PLCXD3: variants seen among roughly 807,000 people sequenced by gnomAD.
PLCXD3 encodes the protein phosphatidylinositol specific phospholipase C X domain containing 3, also known as PI-PLC X domain-containing protein 3.
PLCXD3 carries 19 observed loss-of-function variants against 25.5 expected under a neutral mutation model. That is an observed-to-expected ratio of 0.75 (90% CI 0.52 to 1.09). The LOEUF (loss-of-function observed/expected upper bound fraction) is 1.09. Ranked by LOEUF, PLCXD3 falls within the 50% of genes least tolerant of loss-of-function variation. The probability of loss-of-function intolerance (pLI) is 0.00; values close to 1 mark genes in which losing one functional copy is unlikely to be tolerated. For missense variants in PLCXD3, 411 were observed against 388.1 expected, an observed-to-expected ratio of 1.06 and a Z score of -0.50; for synonymous variants, 174 against 137.6, an observed-to-expected ratio of 1.26 and a Z score of -1.85.
intron 1 of PLCXD3, among the ~76,000 whole-genome samples, chr5:41,440,116 T>G (rs1272710532): frequency 6.6e-6 from 1 of 151,680 alleles, no homozygotes; most frequent in African/African-American, 2.4e-5. Context: ...GTCCCTAGAT[T>G]CAGGAGCCAG....
chr5:41,423,491 T>C (rs1746876772), intron 1 of PLCXD3, among the ~76,000 whole-genome samples: 1 of 152,142 alleles, frequency 6.6e-6, no homozygotes, highest in South Asian at 2.1e-4. Context: ...AATGATTATT[T>C]TTATATTCTC....
chr5:41,371,910 C>A (rs1053248862), intron 2 of PLCXD3, among the ~76,000 whole-genome samples: 8 of 152,140 alleles, frequency 5.3e-5, no homozygotes, highest in African/African-American at 1.4e-4. Flanking sequence ...GAATCAGACA[C>A]CTTTTACTCA....
chr5:41,452,864 T>C (rs373867767), intron 1 of PLCXD3, among the ~76,000 whole-genome samples: 21 of 152,168 alleles, frequency 1.4e-4, no homozygotes, highest in African/African-American at 4.6e-4. Flanking sequence ...TTCTTTCTTG[T>C]TTTTCTTCGT....
intron 2 of PLCXD3, among the ~76,000 whole-genome samples, chr5:41,318,593 T>C (rs1743367913): frequency 6.6e-6 from 1 of 151,976 alleles, no homozygotes; most frequent in African/African-American, 2.4e-5. Context: ...AAACATGCAA[T>C]GGATACACAA....
chr5:41,349,082 A>C (rs1744380976), intron 2 of PLCXD3, among the ~76,000 whole-genome samples: 1 of 152,190 alleles, frequency 6.6e-6, no homozygotes, highest in Non-Finnish European at 1.5e-5. Context: ...ACAGATACTG[A>C]CAGTGCAAAG....
At chr5:41,436,758 A>G (rs1580372744) in intron 1 of PLCXD3, among the ~76,000 whole-genome samples, 1 of 152,222 alleles carries the variant, frequency 6.6e-6, no homozygotes, top group East Asian at 1.9e-4. Context: ...TCTATGGGCT[A>G]CTGGACAAAA....
At position 41,417,432 on chromosome 5, in the gene PLCXD3, AC is replaced by A. The variant is rs112101070; in HGVS notation, c.104-34899del. On this transcript the variant is annotated intron_variant, in intron 1 of 2. Transcript: ENST00000377801. ...AGAAGCAGATGAAACTTGACTAATGACCAAGAGAGGTTAGAGAAGGCTGGGA... is the reference window on the plus strand; with the variant it reads ...AGAAGCAGATGAAACTTGACTAATGACAAGAGAGGTTAGAGAAGGCTGGGA... Among the ~76,000 whole-genome samples, 1,210 of 152,252 alleles carry A rather than the reference AC, an allele frequency of 7.9e-3. 18 individuals carry two copies. Among genetic ancestry groups the A allele is most frequent in the African/African-American group, 0.027 (1,142 of 41,538 alleles).
chr5:41,463,567 T>C (rs1285108069), intron 1 of PLCXD3, among the ~76,000 whole-genome samples: 2 of 152,112 alleles, frequency 1.3e-5, no homozygotes, highest in African/African-American at 2.4e-5. Flanking sequence ...CTGTTTCTCA[T>C]GTAAGAGATT....
chr5:41,336,557 G>T (rs931592852), intron 2 of PLCXD3, among the ~76,000 whole-genome samples: 2 of 152,078 alleles, frequency 1.3e-5, no homozygotes, highest in African/African-American at 4.8e-5. Context: ...CTTGTGATGA[G>T]CCTCCCAGAG....
At chr5:41,451,777 A>G (rs942752662) in intron 1 of PLCXD3, among the ~76,000 whole-genome samples, 4 of 151,850 alleles carry the variant, frequency 2.6e-5, no homozygotes, top group African/African-American at 9.7e-5. Context: ...TCCTTTCTTC[A>G]CATTTGTCAC....
intron 2 of PLCXD3, among the ~76,000 whole-genome samples, chr5:41,354,154 CAAT>C (rs1321656923): frequency 6.6e-6 from 1 of 152,128 alleles, no homozygotes; most frequent in Non-Finnish European, 1.5e-5. Context: ...AATTATCTCT[CAAT>C]GATATTCCTA....
At chr5:41,388,663 C>T (rs1164201076) in intron 1 of PLCXD3, among the ~76,000 whole-genome samples, 5 of 151,816 alleles carry the variant, frequency 3.3e-5, no homozygotes, top group Non-Finnish European at 1.5e-5. Flanking sequence ...AAAGATAATT[C>T]AATTAAGTAA....
chr5:41,388,765 C>T (rs1297170260), intron 1 of PLCXD3, among the ~76,000 whole-genome samples: 1 of 151,772 alleles, frequency 6.6e-6, no homozygotes, highest in Non-Finnish European at 1.5e-5. Context: ...AGAAAGACAA[C>T]CAAAATAATA....
chr5:41,468,769 A>G (rs1284722839), intron 1 of PLCXD3, among the ~76,000 whole-genome samples: 1 of 152,128 alleles, frequency 6.6e-6, no homozygotes, highest in Non-Finnish European at 1.5e-5. Context: ...CAGTTTTGTG[A>G]TAGAGTCTTT....
chr5:41,406,098 C>A (rs1178077029), intron 1 of PLCXD3, among the ~76,000 whole-genome samples: 1 of 152,022 alleles, frequency 6.6e-6, no homozygotes, highest in East Asian at 1.9e-4. Context: ...GAAATATTTT[C>A]CTCCTTTGGT....
chr5:41,480,761 A>T (rs1748391459), intron 1 of PLCXD3, among the ~76,000 whole-genome samples: 1 of 152,048 alleles, frequency 6.6e-6, no homozygotes, highest in Non-Finnish European at 1.5e-5. Flanking sequence ...TCTCTACTAA[A>T]AATACAAAAA....
intron 1 of PLCXD3, among the ~76,000 whole-genome samples, chr5:41,437,245 A>G (rs1453734915): frequency 1.3e-5 from 2 of 152,248 alleles, no homozygotes; most frequent in African/African-American, 4.8e-5. Flanking sequence ...GAGATGGAAT[A>G]CTGAGACTTC....
At chr5:41,465,582 C>A (rs1048134795) in intron 1 of PLCXD3, among the ~76,000 whole-genome samples, 1 of 151,608 alleles carries the variant, frequency 6.6e-6, no homozygotes, top group African/African-American at 2.4e-5. Flanking sequence ...GCTTTGCTAT[C>A]AGTCTAATAA....
intron 1 of PLCXD3, among the ~76,000 whole-genome samples, chr5:41,427,086 T>C (rs1030772118): frequency 1.3e-5 from 2 of 152,176 alleles, no homozygotes; most frequent in African/African-American, 4.8e-5. Flanking sequence ...AATGTTTCCA[T>C]GTGGATAAAT....
Sources: gnomAD v4.1 joint callset for allele counts (sites outside exome capture counted in the v4.1 genomes callset) on GRCh38, gnomAD v4.1.1 for gene constraint, MANE v1.5 for transcripts, NCBI Gene and HGNC (gene_info 2026-07-23, HGNC 2026-07-21) for gene names.